The following ACADM variants were observed in gnomAD, a reference collection of about 807,000 sequenced individuals.
ACADM encodes medium-chain specific acyl-CoA dehydrogenase, mitochondrial.
Under a neutral mutation model 58.9 loss-of-function variants are expected in ACADM, and 49 were observed. That is an observed-to-expected ratio of 0.83 (90% CI 0.66 to 1.06). ACADM has a LOEUF of 1.06. Ranked by LOEUF, ACADM falls within the 50% of genes least tolerant of loss-of-function variation. The probability of loss-of-function intolerance (pLI) is 0.00; values close to 1 mark genes in which losing one functional copy is unlikely to be tolerated. For missense variants in ACADM, 496 were observed against 507.0 expected (o/e 0.98, Z 0.21); for synonymous variants, 160 against 157.7 (o/e 1.01, Z -0.11).
chr1:75,756,518 C>T (rs992757082), intron 10 of ACADM, among the ~76,000 whole-genome samples: 2 of 152,118 alleles, frequency 1.3e-5, no homozygotes, highest in Non-Finnish European at 2.9e-5. Context: ...TGTGAAGGAC[C>T]TCTTCAAGGA....
rs759158371 is a variant in ACADM at position 75,761,365 on chromosome 1, T to A, written c.1189T>A (p.Tyr397Asn). Reference sequence around the variant, plus strand: ...AAAACTAATGAGGGATGCCAAAATCTATCAGGTAAGGTTAAAGATGATTTT... The same window carrying A: ...AAAACTAATGAGGGATGCCAAAATCAATCAGGTAAGGTTAAAGATGATTTT... ...VEKLMRDAKI[Y>N]QIYEGTSQIQ... Residue 397 changes from tyrosine to asparagine, a missense_variant, in exon 11 of 12, where the codon TAT becomes AAT. Coordinates refer to ENST00000370841, the MANE Select transcript of ACADM (RefSeq NM_000016.6). The A allele has an allele frequency of 6.2e-6, 10 of 1,613,896 alleles. No homozygotes were observed. In the East Asian group the frequency reaches 2.0e-4, roughly 32 times the overall value.
Position 75,728,413 on chromosome 1 carries a change from A to G in ACADM, c.43A>G (p.Ile15Val). 4.3e-6 allele frequency: 7 copies of G among 1,612,924 alleles called. No homozygotes were observed. The highest frequency in any genetic ancestry group is 5.9e-6 in the Non-Finnish European group (7 of 1,179,240). The change falls in exon 2 of 12, where the codon ATT (isoleucine) becomes GTT (valine). Residue 15 changes from isoleucine to valine, a missense_variant. Coordinates refer to ENST00000370841, the MANE Select transcript of ACADM (RefSeq NM_000016.6). ...GTGTTCTTTACAGGTCCTGAGAAGT[A>G]TTTCTCGTTTTCATTGGAGATCACA... ...FGRCCRVLRS[I>V]SRFHWRSQHT...
rs1185026485 is a variant in ACADM at position 75,745,914 on chromosome 1, G to C, written c.708G>C (p.Lys236Asn). 6.2e-7 allele frequency: 1 copy of C among 1,601,948 alleles called. No individual in the cohort carries two copies. Among genetic ancestry groups the C allele is most frequent in the Non-Finnish European group, 8.6e-7 (1 of 1,169,422 alleles). Reference protein sequence around the residue: ...ADTPGIQIGRKELNMGQRCSD... With the variant: ...ADTPGIQIGRNELNMGQRCSD... ...CCCCAGGAATTCAGATTGGGAGAAAGGTAAAGTATTTATTAATGATTAGGG... is the reference window on the plus strand; with the variant it reads ...CCCCAGGAATTCAGATTGGGAGAAACGTAAAGTATTTATTAATGATTAGGG... The change falls in exon 8 of 12, where the codon AAG (lysine) becomes AAC (asparagine). Residue 236 changes from lysine (K) to asparagine (N), a missense_variant and splice_region_variant. Transcript: ENST00000370841.
At chr1:75,740,799 T>C (rs1647526044) in intron 7 of ACADM, among the ~76,000 whole-genome samples, 1 of 152,136 alleles carries the variant, frequency 6.6e-6, no homozygotes, top group South Asian at 2.1e-4. Context: ...ATGGTGACAG[T>C]TCTGGGCAAC....
intron 8 of ACADM, 52 bp downstream of exon 8, chr1:75,745,966 T>G (rs1440112183): frequency 7.6e-7 from 1 of 1,312,438 alleles, no homozygotes; most frequent in Admixed American, 1.7e-5. Context: ...AATTATAAAT[T>G]GCAAAATTAC....
chr1:75,737,768 C>T (rs1425655456), intron 6 of ACADM, among the ~76,000 whole-genome samples: 1 of 151,554 alleles, frequency 6.6e-6, no homozygotes, highest in African/African-American at 2.4e-5. Context: ...TTTTGGATTA[C>T]ATAATGCTTA....
chr1:75,725,251 A>G (rs1240337108), intron 1 of ACADM, among the ~76,000 whole-genome samples: 3 of 129,990 alleles, frequency 2.3e-5, no homozygotes, highest in Admixed American at 2.3e-4. Flanking sequence ...GAAAAAAAAA[A>G]GTAAAAAAAA....
At chr1:75,753,109 G>C (rs373436808) in intron 10 of ACADM, among the ~76,000 whole-genome samples, 2 of 151,954 alleles carry the variant, frequency 1.3e-5, no homozygotes, top group Admixed American at 6.6e-5. Context: ...TTTTTTTCTT[G>C]TTCTTTTTTT....
chr1:75,748,303 T>A (rs1455222741), intron 8 of ACADM, among the ~76,000 whole-genome samples: 2 of 152,176 alleles, frequency 1.3e-5, no homozygotes, highest in African/African-American at 4.8e-5. Flanking sequence ...GGTTTGAAAA[T>A]TTTTAAAACA....
chr1:75,734,117 C>G (rs188129716), intron 5 of ACADM, among the ~76,000 whole-genome samples: 1 of 151,334 alleles, frequency 6.6e-6, no homozygotes, highest in Non-Finnish European at 1.5e-5. Flanking sequence ...TCCTGAGTAG[C>G]TGGGATTACA....
At chr1:75,744,069 G>A (rs12123977) in intron 7 of ACADM, 390,846 of 1,535,448 alleles carry the variant, frequency 0.25, 57,263 homozygotes, top group Admixed American at 0.28. Context: ...TCCTTCAGAC[G>A]CTGAGCAATG....
rs201809827 is a variant in ACADM, at chr1:75,761,301, A to G, written c.1125A>G (p.Ile375Met). Residue 375 changes from isoleucine to methionine, a missense_variant, in exon 11 of 12, where the codon ATA becomes ATG. Transcript: ENST00000370841. ...AGTTAGCTACTGATGCTGTGCAGATACTTGGAGGCAATGGATTTAATACAG... is the reference window on the plus strand; with the variant it reads ...AGTTAGCTACTGATGCTGTGCAGATGCTTGGAGGCAATGGATTTAATACAG... ...ANQLATDAVQ[I>M]LGGNGFNTEY... is the part of the protein sequence containing the mutation. 8.7e-6 allele frequency: 14 copies of G among 1,613,970 alleles called. No individual in the cohort carries two copies. The highest frequency in any genetic ancestry group is 1.2e-5 in the Non-Finnish European group (14 of 1,179,944).
At chr1:75,744,428 A>G (rs944725015) in intron 7 of ACADM, 19 of 1,492,128 alleles carry the variant, frequency 1.3e-5, no homozygotes, top group Non-Finnish European at 1.8e-5. Context: ...TTTGCTGGTG[A>G]TGGAACCTGC....
At chr1:75,733,028 T>C (rs769344842) in intron 4 of ACADM, 106 bp downstream of exon 4, 4 of 1,613,496 alleles carry the variant, frequency 2.5e-6, no homozygotes, top group Non-Finnish European at 3.4e-6. Flanking sequence ...TAAATGACTT[T>C]CTACCTTTGT....
rs1375279108 is a variant in ACADM at position 75,739,964 on chromosome 1, T to C, written c.469-16T>C. 14 of 1,581,888 alleles carry C rather than the reference T, an allele frequency of 8.9e-6. No individual in the cohort carries two copies. The highest frequency in any genetic ancestry group is 1.2e-5 in the Non-Finnish European group (14 of 1,163,358). On this transcript the variant is annotated splice_polypyrimidine_tract_variant and intron_variant, in intron 6 of 11. Coordinates refer to ENST00000370841, the MANE Select transcript of ACADM (RefSeq NM_000016.6). ...CTAACATTTAATTTCATTTCTCTTGTTTTTATATATTCAAGGCTTATTGTG... is the reference window on the plus strand; with the variant it reads ...CTAACATTTAATTTCATTTCTCTTGCTTTTATATATTCAAGGCTTATTGTG...
intron 2 of ACADM, among the ~76,000 whole-genome samples, chr1:75,729,284 CTTTCTTT>C (rs1399322595): frequency 8.5e-5 from 6 of 70,926 alleles, no homozygotes; most frequent in African/African-American, 3.4e-4. Flanking sequence ...CTTTTTCTTT[CTTTCTTT>C]TTTCTTTTTT....
At chr1:75,752,059 G>C (rs1286141524) in intron 10 of ACADM, among the ~76,000 whole-genome samples, 2 of 149,728 alleles carry the variant, frequency 1.3e-5, no homozygotes, top group Non-Finnish European at 3.0e-5. Context: ...TGCAGTCATG[G>C]CTTATTGCAG....
rs1256732683 is a variant in ACADM at position 75,762,918 on chromosome 1, A to C, written c.*155A>C. On this transcript the variant is annotated 3_prime_UTR_variant, in exon 12 of 12. Coordinates refer to ENST00000370841, the MANE Select transcript of ACADM (RefSeq NM_000016.6). The stretch of plus-strand genomic sequence containing the variant: ...TTATAGTAGTTTATACTTTTGCTTA[A>C]CTCTGTTATGTCTCTTAAGCAGGTT... The C allele has an allele frequency of 7.0e-6, 4 of 572,722 alleles. No homozygotes were observed. In the East Asian group the frequency reaches 1.2e-4, roughly 17 times the overall value. 35.5% of individuals were successfully genotyped at this position (572,722 alleles called of 1,614,324 possible).
At chr1:75,737,702 A>G (rs752752157) in intron 6 of ACADM, among the ~76,000 whole-genome samples, 35 of 152,104 alleles carry the variant, frequency 2.3e-4, no homozygotes, top group Non-Finnish European at 3.1e-4. Flanking sequence ...GTGCCTGGGA[A>G]TCAACACCTT....
Sources: allele counts gnomAD v4.1 joint callset (sites outside exome capture counted in the v4.1 genomes callset), GRCh38; gene constraint gnomAD v4.1.1; transcripts MANE v1.5; gene names NCBI Gene and HGNC (gene_info 2026-07-23, HGNC 2026-07-21).